The following RPH3A variants were observed in gnomAD, a reference collection of about 807,000 sequenced individuals.
RPH3A encodes the protein rabphilin-3A.
A neutral mutation model predicts 102.2 loss-of-function variants in RPH3A; 48 were observed. The observed-to-expected ratio is 0.47, with a 90% confidence interval of 0.37 to 0.60. The LOEUF is 0.60. Ranked by LOEUF, RPH3A falls within the 20% of genes least tolerant of loss-of-function variation. The probability of loss-of-function intolerance (pLI) is 0.00; values close to 1 mark genes in which losing one functional copy is unlikely to be tolerated. For synonymous variants in RPH3A, 310 were observed against 324.3 expected, an observed-to-expected ratio of 0.96 and a Z score of 0.47; for missense variants, 781 against 910.1, an observed-to-expected ratio of 0.86 and a Z score of 1.83.
At chr12:112,727,442 TACACACACAGACACAG>T (rs1326871199) in intron 1 of RPH3A, among the ~76,000 whole-genome samples, 1 of 93,792 alleles carries the variant, frequency 1.1e-5, no homozygotes, top group African/African-American at 4.3e-5. Context: ...CACACATACA[TACACACACAGACACAG>T]ACACACACAC....
Position 112,897,145 on chromosome 12 carries a change from T to TACAC in RPH3A, c.*392_*395dup, listed in dbSNP as rs10563429. ...CCTCCTAGCCTTGAACACACACATG[T>TACAC]ACACACACACACACACACACACACA... On this transcript the variant is annotated 3_prime_UTR_variant, in exon 22 of 22. Coordinates refer to ENST00000389385, the MANE Select transcript of RPH3A (RefSeq NM_001143854.2). The TACAC allele has an allele frequency of 0.019, 3,473 of 183,666 alleles. 86 individuals are homozygous for TACAC. The highest frequency in any genetic ancestry group is 0.057 in the African/African-American group (2,389 of 42,102). The allele number at this position is 183,666 out of a possible 1,614,324, so 11.4% of individuals were successfully genotyped here.
intron 1 of RPH3A, among the ~76,000 whole-genome samples, chr12:112,757,626 C>T (rs948231242): frequency 1.3e-5 from 2 of 152,072 alleles, no homozygotes; most frequent in Admixed American, 1.3e-4. Flanking sequence ...TCACACTGTA[C>T]CCCATAAATA....
At chr12:112,745,141 C>T (rs1348028324) in intron 1 of RPH3A, among the ~76,000 whole-genome samples, 3 of 152,162 alleles carry the variant, frequency 2.0e-5, no homozygotes, top group Admixed American at 2.0e-4. Flanking sequence ...GCTTCCAGGC[C>T]TTCAGTGTGA....
intron 2 of RPH3A, among the ~76,000 whole-genome samples, chr12:112,823,329 T>C (rs1304230087): frequency 6.6e-6 from 1 of 152,218 alleles, no homozygotes; most frequent in African/African-American, 2.4e-5. Context: ...CTGTATGATT[T>C]TGAGCAAGTA....
chr12:112,609,192 A>G (rs1417388425), intron 1 of RPH3A, among the ~76,000 whole-genome samples: 1 of 152,120 alleles, frequency 6.6e-6, no homozygotes, highest in African/African-American at 2.4e-5. Flanking sequence ...ACCTCTCCCC[A>G]TCTCAAGTAG....
intron 1 of RPH3A, among the ~76,000 whole-genome samples, chr12:112,640,845 C>T (rs996458520): frequency 3.9e-5 from 6 of 152,178 alleles, no homozygotes; most frequent in African/African-American, 1.4e-4. Flanking sequence ...ATTTTTCTCT[C>T]CTTTCTTTGC....
In RPH3A at chr12:112,634,368, AC is replaced by A. The variant is rs1246869593; in HGVS notation, c.-140+59050del. ...GTCTCAAAAACAAAAAAAAAACAAA[AC>A]AAAAAAACAAACAAACAAACAAACA... On this transcript the variant is annotated intron_variant, in intron 1 of 21. Coordinates refer to the RPH3A transcript ENST00000543106. Among the ~76,000 whole-genome samples the A allele has an allele frequency of 1.9e-4, 8 of 41,144 alleles. 3 individuals are homozygous for A. The highest frequency in any genetic ancestry group is 3.4e-4 in the Non-Finnish European group (8 of 23,728). 27.0% of individuals were successfully genotyped at this position (41,144 alleles called of 152,430 possible). A position where few individuals can be genotyped will look rare whatever the true frequency, so the allele number is the denominator to read the frequency against.
intron 5 of RPH3A, 124 bp downstream of exon 5, chr12:112,847,966 T>A: frequency 9.4e-7 from 1 of 1,059,504 alleles, no homozygotes; most frequent in Non-Finnish European, 1.4e-6. Flanking sequence ...CATTTGTGAC[T>A]TACGGGGCCA....
intron 2 of RPH3A, 106 bp downstream of exon 2, chr12:112,792,369 G>A (rs1827811737): frequency 6.6e-6 from 1 of 152,182 alleles, no homozygotes; most frequent in South Asian, 2.1e-4. Context: ...GGGAGGAGAA[G>A]GGTATCGAGG....
intron 15 of RPH3A, 87 bp from the exon 16 acceptor site, chr12:112,883,206 C>A: frequency 1.0e-6 from 1 of 982,964 alleles, no homozygotes; most frequent in Non-Finnish European, 1.6e-6. Context: ...AAGCCACCCA[C>A]CCACCCCACG....
chr12:112,725,319 G>C (rs892860494), intron 1 of RPH3A, among the ~76,000 whole-genome samples: 2 of 151,416 alleles, frequency 1.3e-5, no homozygotes, highest in Non-Finnish European at 2.9e-5. Context: ...CTTTTGAGGG[G>C]GCACTTTCCC....
chr12:112,729,078 T>C (rs527643277), intron 1 of RPH3A, among the ~76,000 whole-genome samples: 51 of 152,316 alleles, frequency 3.3e-4, no homozygotes, highest in African/African-American at 1.1e-3. Flanking sequence ...TGAGATCTTT[T>C]TGAAGTCATT....
chr12:112,737,602 A>G (rs2040678918), intron 1 of RPH3A, among the ~76,000 whole-genome samples: 1 of 152,130 alleles, frequency 6.6e-6, no homozygotes, highest in Non-Finnish European at 1.5e-5. Flanking sequence ...TTGATCCTGC[A>G]GTTTTTTTCC....
Position 112,776,417 on chromosome 12 carries a change from A to G in RPH3A, c.-139-15726A>G, listed in dbSNP as rs1314723244. Among the ~76,000 whole-genome samples the G allele has an allele frequency of 5.4e-4, 82 of 152,134 alleles. 1 individual carries two copies. The highest frequency in any genetic ancestry group is 5.4e-3 in the Admixed American group (82 of 15,272). On this transcript the variant is annotated intron_variant, in intron 1 of 21. Transcript: ENST00000543106. ...GAACTTGGCTATCTTGCTCAGCTTG[A>G]TGATAGGTTGGTGAGTCTCTGGGAA...
chr12:112,876,486 G>A (rs1296762935), intron 12 of RPH3A, among the ~76,000 whole-genome samples, 156 bp from the exon 13 acceptor site: 4 of 152,092 alleles, frequency 2.6e-5, no homozygotes, highest in Admixed American at 1.3e-4. Context: ...GAATCAGCTC[G>A]AGGGGCTTAT....
chr12:112,650,829 A>G (rs1335516454), intron 1 of RPH3A: 1 of 151,434 alleles, frequency 6.6e-6, no homozygotes, highest in African/African-American at 2.4e-5. Flanking sequence ...CCTGGGCTCC[A>G]GTGATCCTTC....
At chr12:112,776,873 C>CAA (rs548377186) in intron 1 of RPH3A, among the ~76,000 whole-genome samples, 9 of 73,920 alleles carry the variant, frequency 1.2e-4, no homozygotes, top group East Asian at 4.4e-4. Context: ...GACTCCATCT[C>CAA]AAAAAAAAAA....
At chr12:112,646,945 A>G (rs1014736372) in intron 1 of RPH3A, among the ~76,000 whole-genome samples, 1 of 152,136 alleles carries the variant, frequency 6.6e-6, no homozygotes, top group African/African-American at 2.4e-5. Flanking sequence ...ACTGGAGGGT[A>G]TGCATCCCAT....
chr12:112,575,847 T>C (rs911472419), intron 1 of RPH3A, among the ~76,000 whole-genome samples: 1 of 152,158 alleles, frequency 6.6e-6, no homozygotes, highest in African/African-American at 2.4e-5. Context: ...ACTCCCACTC[T>C]AGGTCATAGC....
Sources: allele counts gnomAD v4.1 joint callset (sites outside exome capture counted in the v4.1 genomes callset), GRCh38; gene constraint gnomAD v4.1.1; transcripts MANE v1.5; gene names NCBI Gene and HGNC (gene_info 2026-07-23, HGNC 2026-07-21).